Variants in SKI observed in about 807,000 individuals in gnomAD.
SKI encodes ski oncogene.
In SKI, 23 loss-of-function variants were observed where a neutral mutation model predicts 59.3. The ratio of observed to expected loss-of-function variants is 0.39; its 90% CI spans 0.28 to 0.55. The LOEUF is 0.55. Ranked by LOEUF, SKI falls within the 20% of genes least tolerant of loss-of-function variation. The probability of loss-of-function intolerance (pLI) is 0.67; values close to 1 mark genes in which losing one functional copy is unlikely to be tolerated. For missense variants in SKI, 1,017 were observed against 1,038.9 expected (o/e 0.98, Z 0.29); for synonymous variants, 673 against 488.6 (o/e 1.38, Z -4.98).
intron 1 of SKI, among the ~76,000 whole-genome samples, chr1:2,276,377 C>G (rs949354520): frequency 5.9e-5 from 9 of 152,184 alleles, no homozygotes; most frequent in African/African-American, 1.2e-4. Context: ...AGGGCTGCCC[C>G]GACTGGCCTG....
At chr1:2,245,357 T>C (rs971721416) in intron 1 of SKI, among the ~76,000 whole-genome samples, 2 of 152,182 alleles carry the variant, frequency 1.3e-5, no homozygotes, top group African/African-American at 4.8e-5. Context: ...TTCCACAGTT[T>C]AGCTGTCGTG....
chr1:2,294,421 C>T (rs925493541), intron 1 of SKI, among the ~76,000 whole-genome samples: 4 of 152,280 alleles, frequency 2.6e-5, no homozygotes, highest in African/African-American at 9.6e-5. Context: ...AGAGCCCCGA[C>T]TCCCGCTGGC....
intron 1 of SKI, among the ~76,000 whole-genome samples, chr1:2,296,641 C>T (rs911256934): frequency 6.6e-6 from 1 of 152,016 alleles, no homozygotes; most frequent in Non-Finnish European, 1.5e-5. Context: ...TTACCAGCTA[C>T]CGGGTTTGCA....
intron 1 of SKI, among the ~76,000 whole-genome samples, chr1:2,244,791 C>T (rs1453167381): frequency 6.6e-6 from 1 of 152,122 alleles, no homozygotes; most frequent in Non-Finnish European, 1.5e-5. Context: ...TAGCATTCAG[C>T]AGTGTTGAAC....
chr1:2,236,995 G>T (rs987858673), intron 1 of SKI, among the ~76,000 whole-genome samples: 3 of 152,198 alleles, frequency 2.0e-5, no homozygotes, highest in Admixed American at 6.5e-5. Context: ...CCTCAGGTGG[G>T]CATGGGTGGC....
At chr1:2,241,919 G>A (rs115920375) in intron 1 of SKI, among the ~76,000 whole-genome samples, 68 of 152,340 alleles carry the variant, frequency 4.5e-4, no homozygotes, top group African/African-American at 1.6e-3. Context: ...AGCACTGCGT[G>A]CGATGGATGG....
At chr1:2,298,651 G>T (rs538989316) in intron 1 of SKI, among the ~76,000 whole-genome samples, 9 of 152,250 alleles carry the variant, frequency 5.9e-5, no homozygotes, top group Non-Finnish European at 1.3e-4. Context: ...TCACAGGCAG[G>T]CCTGTCTGGC....
At chr1:2,255,958 A>G (rs1440264278) in intron 1 of SKI, among the ~76,000 whole-genome samples, 1 of 146,378 alleles carries the variant, frequency 6.8e-6, no homozygotes, top group African/African-American at 2.6e-5. Flanking sequence ...TCCTGACCTC[A>G]TTTCCTGTCT....
intron 1 of SKI, among the ~76,000 whole-genome samples, chr1:2,279,091 C>G (rs1639811930): frequency 6.6e-6 from 1 of 152,192 alleles, no homozygotes. Flanking sequence ...ACTCTGCCCT[C>G]CTGTCTCCTG....
Position 2,303,396 on chromosome 1 carries a change from G to C in SKI, c.1207G>C (p.Asp403His). The change falls in exon 3 of 7, where the codon GAC (aspartate) becomes CAC (histidine). Residue 403 changes from aspartate to histidine, a missense_variant. Physicochemically the swap from Asp to His is moderately conservative, Grantham distance 81. Coordinates refer to ENST00000378536, the MANE Select transcript of SKI (RefSeq NM_003036.4). The surrounding 1 kb of genome is among the most constrained non-coding windows in gnomAD (Gnocchi z 5.6). Reference protein sequence around the residue: ...LSPHLPALIRDSFYSYKSFET... With the variant: ...LSPHLPALIRHSFYSYKSFET... ...CCCACACCTCCCGGCCCTCATCCGA[G>C]ACAGGTGAGTGGGCGCCATTCACAG... is the stretch of plus-strand genomic sequence containing the variant. The C allele has an allele frequency of 6.2e-7, 1 of 1,612,086 alleles. No homozygotes were observed. The highest frequency in any genetic ancestry group is 8.5e-7 in the Non-Finnish European group (1 of 1,179,196).
rs377582570 is a variant in SKI, at chr1:2,265,320, ATTC to A, written c.969+35588_969+35590del. 1.4e-3 allele frequency among the ~76,000 whole-genome samples: 217 copies of A among 151,964 alleles called. 1 individual carries two copies. The highest frequency in any genetic ancestry group is 5.0e-3 in the African/African-American group (207 of 41,416). On this transcript the variant is annotated intron_variant, in intron 1 of 6. Coordinates refer to ENST00000378536, the MANE Select transcript of SKI (RefSeq NM_003036.4). ...TCAGGGTGCTCTTCTCATCTTCTGG[ATTC>A]TTTTTTTTCCTCTATTTCCCTGTGA...
intron 1 of SKI, among the ~76,000 whole-genome samples, chr1:2,231,298 C>G (rs1029643584): frequency 8.5e-5 from 13 of 152,164 alleles, no homozygotes; most frequent in Non-Finnish European, 1.5e-5. Flanking sequence ...CTGGGACACG[C>G]TCACGTCACT....
intron 1 of SKI, among the ~76,000 whole-genome samples, chr1:2,231,253 G>C (rs1214834451): frequency 6.6e-6 from 1 of 152,200 alleles, no homozygotes; most frequent in East Asian, 1.9e-4. Context: ...CGTGCAGGCT[G>C]CGTAGTGGGT....
chr1:2,309,475 C>T lies in SKI; in HGVS notation c.*2710C>T, dbSNP rs1038490112. 6 of 152,104 alleles carry T rather than the reference C, an allele frequency of 3.9e-5. No homozygotes were observed. The highest frequency in any genetic ancestry group is 8.8e-5 in the Non-Finnish European group (6 of 68,006). 9.4% of individuals were successfully genotyped at this position (152,104 alleles called of 1,614,324 possible). ...CCTGTAAATACTTTTTCCTTTTTCACCGTTGTATTATACATGTATATGCTG... is the reference window on the plus strand; with the variant it reads ...CCTGTAAATACTTTTTCCTTTTTCATCGTTGTATTATACATGTATATGCTG... On this transcript the variant is annotated 3_prime_UTR_variant, in exon 7 of 7. Transcript: ENST00000378536.
In SKI at chr1:2,306,925, C is replaced by T; in HGVS notation, c.*160C>T. Reference sequence around the variant, plus strand: ...GTTTGTAACCATGTAGTTTTGGAACCCACTGCAAAATTTTCTACTGGCCAA... The same window carrying T: ...GTTTGTAACCATGTAGTTTTGGAACTCACTGCAAAATTTTCTACTGGCCAA... On this transcript the variant is annotated 3_prime_UTR_variant, in exon 7 of 7. Coordinates refer to ENST00000378536, the MANE Select transcript of SKI (RefSeq NM_003036.4). The T allele has an allele frequency of 4.2e-6, 2 of 471,868 alleles. No homozygotes were observed. Among genetic ancestry groups the T allele is most frequent in the Non-Finnish European group, 6.5e-6 (2 of 305,774 alleles). 29.2% of individuals were successfully genotyped at this position (471,868 alleles called of 1,614,324 possible). A position where few individuals can be genotyped will look rare whatever the true frequency, so the allele number is the denominator to read the frequency against.
intron 1 of SKI, among the ~76,000 whole-genome samples, chr1:2,259,826 C>T (rs1409672008): frequency 6.6e-6 from 1 of 152,180 alleles, no homozygotes; most frequent in Non-Finnish European, 1.5e-5. Context: ...TTCCTTCCCT[C>T]AGCGTCATTA....
At chr1:2,273,219 C>T (rs1259173965) in intron 1 of SKI, among the ~76,000 whole-genome samples, 1 of 152,216 alleles carries the variant, frequency 6.6e-6, no homozygotes, top group African/African-American at 2.4e-5. Flanking sequence ...TTCTCCCGGC[C>T]CCTCCTCCTT....
intron 1 of SKI, among the ~76,000 whole-genome samples, chr1:2,251,031 G>T (rs260512): frequency 1.3e-5 from 2 of 152,006 alleles, no homozygotes; most frequent in African/African-American, 4.8e-5. Context: ...TGTCCCCATG[G>T]ACTTTATCCG....
At chr1:2,287,744 G>A (rs921865917) in intron 1 of SKI, among the ~76,000 whole-genome samples, 1 of 152,184 alleles carries the variant, frequency 6.6e-6, no homozygotes, top group African/African-American at 2.4e-5. Flanking sequence ...GAAGGACAGG[G>A]CTTGTGGCAG....
Sources: allele counts gnomAD v4.1 joint callset (sites outside exome capture counted in the v4.1 genomes callset), GRCh38; gene constraint gnomAD v4.1.1; non-coding constraint Gnocchi (gnomAD v3.1); transcripts MANE v1.5; gene names NCBI Gene and HGNC (gene_info 2026-07-23, HGNC 2026-07-21).